GPC5: variants seen among roughly 807,000 people sequenced by gnomAD.
GPC5 encodes the protein glypican 5.
A neutral mutation model predicts 53.9 loss-of-function variants in GPC5; 47 were observed. The ratio of observed to expected loss-of-function variants is 0.87; its 90% CI spans 0.69 to 1.11. GPC5 has a LOEUF of 1.11. GPC5 is among the 50% of genes most tolerant of loss of function. The pLI is 0.00. For missense variants in GPC5, 748 were observed against 713.1 expected, an observed-to-expected ratio of 1.05 and a Z score of -0.56; for synonymous variants, 286 against 263.3, an observed-to-expected ratio of 1.09 and a Z score of -0.84.
At chr13:92,471,462 A>T (rs1482156712) in intron 7 of GPC5, among the ~76,000 whole-genome samples, 1 of 152,010 alleles carries the variant, frequency 6.6e-6, no homozygotes, top group Non-Finnish European at 1.5e-5. Context: ...TTGGTTACTT[A>T]TCTCTCCCTA....
chr13:92,271,416 G>T (rs9523573), intron 7 of GPC5, among the ~76,000 whole-genome samples: 44,527 of 151,878 alleles, frequency 0.29, 6,573 homozygotes, highest in Middle Eastern at 0.45. Context: ...ACTTGTTAAT[G>T]CCCTTGGGAC....
intron 7 of GPC5, among the ~76,000 whole-genome samples, chr13:92,628,264 C>CTTTCTTTTTTT (rs1885115304): frequency 2.2e-5 from 1 of 45,338 alleles, no homozygotes; most frequent in Non-Finnish European, 4.3e-5. Context: ...CTTTTTCTTT[C>CTTTCTTTTTTT]TTTTTTTTTT....
At chr13:91,860,727 C>T (rs1327228922) in intron 5 of GPC5, among the ~76,000 whole-genome samples, 1 of 151,994 alleles carries the variant, frequency 6.6e-6, no homozygotes, top group Non-Finnish European at 1.5e-5. Flanking sequence ...GTCTTGAACT[C>T]CTGACCTCCA....
At chr13:92,441,462 G>C (rs954338043) in intron 7 of GPC5, among the ~76,000 whole-genome samples, 7 of 152,124 alleles carry the variant, frequency 4.6e-5, no homozygotes, top group Non-Finnish European at 1.5e-5. Context: ...AAGGCTCCTA[G>C]AACTAATAAA....
In GPC5 at chr13:91,410,593, G is replaced by A. The variant is rs1028305976; in HGVS notation, c.163+11384G>A. Among the ~76,000 whole-genome samples, 113 of 151,712 alleles carry A rather than the reference G, an allele frequency of 7.4e-4. 1 individual carries two copies. The East Asian group carries it at 0.011, about 15-fold the overall frequency. On this transcript the variant is annotated intron_variant, in intron 1 of 7. Coordinates refer to ENST00000377067, the MANE Select transcript of GPC5 (RefSeq NM_004466.6). The stretch of plus-strand genomic sequence containing the variant: ...GATCTCCTGACCTCGTGATCCGCCC[G>A]CCTTGGCCTCCCAAAGAGCTGGGAT...
chr13:92,414,320 C>T, intron 7 of GPC5, among the ~76,000 whole-genome samples: 1 of 151,914 alleles, frequency 6.6e-6, no homozygotes, highest in East Asian at 1.9e-4. Context: ...GCCTGGCCAA[C>T]ATGGTGAAAC....
intron 3 of GPC5, among the ~76,000 whole-genome samples, chr13:91,715,376 C>T (rs1162928981): frequency 2.0e-5 from 3 of 152,102 alleles, no homozygotes; most frequent in Admixed American, 2.0e-4. Context: ...AATTATAAAA[C>T]ATATTTGTAT....
intron 7 of GPC5, among the ~76,000 whole-genome samples, chr13:92,788,284 AAAC>A (rs1334914469): frequency 1.3e-5 from 2 of 152,190 alleles, no homozygotes; most frequent in African/African-American, 4.8e-5. Context: ...ATTTGATGTT[AAAC>A]AACAGCAAAT....
intron 5 of GPC5, among the ~76,000 whole-genome samples, chr13:91,786,587 T>G (rs1011288358): frequency 6.6e-6 from 1 of 152,204 alleles, no homozygotes; most frequent in African/African-American, 2.4e-5. Flanking sequence ...ACTTTGTGTA[T>G]GTGTCGTGTT....
intron 6 of GPC5, among the ~76,000 whole-genome samples, chr13:92,123,116 G>A (rs889421881): frequency 1.3e-5 from 2 of 152,046 alleles, no homozygotes; most frequent in African/African-American, 4.8e-5. Context: ...AGAAGTTATT[G>A]ACACTGGCTG....
At chr13:92,412,415 T>C (rs1307515947) in intron 7 of GPC5, among the ~76,000 whole-genome samples, 1 of 152,188 alleles carries the variant, frequency 6.6e-6, no homozygotes, top group African/African-American at 2.4e-5. Context: ...GTAAATGATA[T>C]CGTGTGTTCA....
intron 7 of GPC5, among the ~76,000 whole-genome samples, chr13:92,193,068 A>T (rs144184707): frequency 1.3e-5 from 2 of 152,226 alleles, no homozygotes; most frequent in East Asian, 3.9e-4. Context: ...CCAGCTACTC[A>T]GGAGGCTGAA....
At chr13:92,521,075 T>C (rs978351060) in intron 7 of GPC5, among the ~76,000 whole-genome samples, 6 of 152,154 alleles carry the variant, frequency 3.9e-5, no homozygotes, top group Admixed American at 2.6e-4. Flanking sequence ...ACAAGGGATG[T>C]GAAGGACCTC....
intron 7 of GPC5, among the ~76,000 whole-genome samples, chr13:92,716,583 C>A (rs181021330): frequency 2.0e-5 from 3 of 152,180 alleles, no homozygotes; most frequent in Non-Finnish European, 4.4e-5. Flanking sequence ...ATAGCTCTAT[C>A]CTGGTGCTTT....
intron 7 of GPC5, among the ~76,000 whole-genome samples, chr13:92,535,312 G>A (rs765567673): frequency 6.6e-6 from 1 of 152,046 alleles, no homozygotes; most frequent in South Asian, 2.1e-4. Flanking sequence ...CAAGGGTTCC[G>A]TCTAGGTCTT....
rs540241670 is a variant in GPC5 at position 91,921,199 on chromosome 13, A to T, written c.1401+13142A>T. Among the ~76,000 whole-genome samples, 7 of 151,922 alleles carry T rather than the reference A, an allele frequency of 4.6e-5. No homozygotes were observed. In the South Asian group the frequency reaches 1.5e-3, roughly 32 times the overall value. On this transcript the variant is annotated intron_variant, in intron 6 of 7. Transcript: ENST00000377067. Reference sequence around the variant, plus strand: ...TGATTCATCTGCCTCGGCCTCCCAGAGTGTTGGGATTATAGGCATGAGCCG... The same window carrying T: ...TGATTCATCTGCCTCGGCCTCCCAGTGTGTTGGGATTATAGGCATGAGCCG...
At chr13:92,197,934 G>A (rs2042268999) in intron 7 of GPC5, among the ~76,000 whole-genome samples, 1 of 152,000 alleles carries the variant, frequency 6.6e-6, no homozygotes, top group South Asian at 2.1e-4. Context: ...GTACATTGCA[G>A]CCATGTGGGC....
rs191317073 is a variant in GPC5 at position 91,824,466 on chromosome 13, G to A, written c.1280+68046G>A. On this transcript the variant is annotated intron_variant, in intron 5 of 7. Coordinates refer to ENST00000377067, the MANE Select transcript of GPC5 (RefSeq NM_004466.6). ...TCATGGCAATCCAGTTTTGCAACAT[G>A]GCAAAGTGAAATGTGAAAGGCAGAT... Among the ~76,000 whole-genome samples the A allele has an allele frequency of 6.2e-4, 94 of 152,176 alleles. 1 individual carries two copies. The highest frequency in any genetic ancestry group is 2.2e-3 in the African/African-American group (92 of 41,552).
intron 7 of GPC5, among the ~76,000 whole-genome samples, chr13:92,525,866 C>T (rs142982663): frequency 1.6e-4 from 25 of 152,180 alleles, no homozygotes; most frequent in African/African-American, 5.8e-4. Flanking sequence ...AAAAGAATTT[C>T]CCTTATCAAC....
Sources: allele counts gnomAD v4.1 joint callset (sites outside exome capture counted in the v4.1 genomes callset), GRCh38; gene constraint gnomAD v4.1.1; transcripts MANE v1.5; gene names NCBI Gene and HGNC (gene_info 2026-07-23, HGNC 2026-07-21).